Variants in ARSG observed in about 807,000 individuals in gnomAD.
ARSG encodes the protein ASG.
In ARSG, 37 loss-of-function variants were observed where a neutral mutation model predicts 50.5. The ratio of observed to expected loss-of-function variants is 0.73; its 90% CI spans 0.56 to 0.96. ARSG has a LOEUF of 0.96. ARSG is among the 50% of genes least tolerant of loss of function. ARSG has a pLI of 0.00. For synonymous variants in ARSG, 225 were observed against 254.6 expected (o/e 0.88, Z 1.11); for missense variants, 629 against 675.3 (o/e 0.93, Z 0.76).
chr17:68,434,077 T>C, the ARSG span, among the ~76,000 whole-genome samples: 11 of 152,120 alleles, frequency 7.2e-5, no homozygotes, highest in Non-Finnish European at 1.0e-4. Context: ...GCCCATAGTC[T>C]TATTTATGTG....
At chr17:68,436,499 A>G in the ARSG span, 6 of 1,609,148 alleles carry the variant, frequency 3.7e-6, no homozygotes, top group Middle Eastern at 1.6e-4. Flanking sequence ...AAGAAACAGA[A>G]CATGAGAAGC....
the ARSG span, chr17:68,428,906 C>T: frequency 2.6e-5 from 42 of 1,614,060 alleles, no homozygotes; most frequent in Middle Eastern, 1.7e-4. Flanking sequence ...CACTGGATGA[C>T]GCAACTAGCA....
In ARSG at chr17:68,370,603, G is replaced by A. The variant is rs113936368; in HGVS notation, c.982+79G>A. Reference sequence around the variant, plus strand: ...GGGGTGTGGGATTCTGCCTCCGGGTGGGGGACAACTTATATCTGGGCCTTA... The same window carrying A: ...GGGGTGTGGGATTCTGCCTCCGGGTAGGGGACAACTTATATCTGGGCCTTA... On this transcript the variant is annotated intron_variant, in intron 8 of 11. Transcript: ENST00000621439. 8.7e-5 allele frequency: 116 copies of A among 1,327,300 alleles called. 1 individual carries two copies. In the African/African-American group the frequency reaches 1.2e-3, roughly 14 times the overall value. 82.2% of individuals were successfully genotyped at this position (1,327,300 alleles called of 1,614,324 possible).
At chr17:68,368,269 G>T (rs911879972) in intron 6 of ARSG, among the ~76,000 whole-genome samples, 3 of 152,162 alleles carry the variant, frequency 2.0e-5, no homozygotes, top group Admixed American at 6.5e-5. Context: ...TCTGAAAAAC[G>T]GGGCTATGAT....
intron 2 of ARSG, among the ~76,000 whole-genome samples, chr17:68,337,165 G>A (rs2078059218): frequency 6.6e-6 from 1 of 152,176 alleles, no homozygotes; most frequent in Non-Finnish European, 1.5e-5. Context: ...TGGCAGATGG[G>A]AGCAATTTTG....
chr17:68,399,333 C>T lies in ARSG; in HGVS notation c.1213-2027C>T, dbSNP rs1192044390. 6.6e-6 allele frequency among the ~76,000 whole-genome samples: 1 copy of T among 152,158 alleles called. No homozygotes were observed. Among genetic ancestry groups the T allele is most frequent in the Non-Finnish European group, 1.5e-5 (1 of 68,028 alleles). On this transcript the variant is annotated intron_variant, in intron 10 of 11. Coordinates refer to ENST00000621439, the MANE Select transcript of ARSG (RefSeq NM_001267727.2). This position sits in a 1 kb window ranked among gnomAD's most constrained non-coding sequence, Gnocchi z 4.6. ...TCCCCACCTGAATGGAGAAGAAGCC[C>T]ACCTTCAGGGGATGCTATATCAGCA...
chr17:68,360,897 G>T (rs190151758), intron 6 of ARSG, among the ~76,000 whole-genome samples: 8 of 152,130 alleles, frequency 5.3e-5, no homozygotes, highest in Admixed American at 3.9e-4. Context: ...CAATCTTGGC[G>T]CACTGCAACC....
chr17:68,436,993 CAAA>C, the ARSG span, among the ~76,000 whole-genome samples: 4 of 124,670 alleles, frequency 3.2e-5, no homozygotes, highest in African/African-American at 2.8e-5. Flanking sequence ...GACCCCGTCT[CAAA>C]AAAAAAAAAA....
chr17:68,333,552 C>T (rs1250734331), intron 2 of ARSG, among the ~76,000 whole-genome samples: 3 of 151,004 alleles, frequency 2.0e-5, no homozygotes, highest in African/African-American at 7.3e-5. Context: ...CGCTTGAACT[C>T]GGGAGGTGGA....
chr17:68,339,789 A>G lies in ARSG; in HGVS notation c.219-3815A>G, dbSNP rs191038934. On this transcript the variant is annotated intron_variant, in intron 2 of 11. Coordinates refer to ENST00000621439, the MANE Select transcript of ARSG (RefSeq NM_001267727.2). The stretch of plus-strand genomic sequence containing the variant: ...TATAAACTTCATCTTGCATCCCATC[A>G]GGAGATGTACGAGGTCAGGGTACCC... Among the ~76,000 whole-genome samples the G allele has an allele frequency of 2.5e-3, 387 of 152,332 alleles. 2 individuals carry two copies. Among genetic ancestry groups the G allele is most frequent in the African/African-American group, 8.6e-3 (357 of 41,570 alleles).
chr17:68,370,529 G>C lies in ARSG; in HGVS notation c.982+5G>C. 1 of 1,613,636 alleles carries C rather than the reference G, an allele frequency of 6.2e-7. No homozygotes were observed. Among genetic ancestry groups the C allele is most frequent in the Non-Finnish European group, 8.5e-7 (1 of 1,179,764 alleles). The stretch of plus-strand genomic sequence containing the variant: ...GATTTTGGCAAACTCGTCAAGGTAA[G>C]GGGCTCAGCTGGGGTTGGTGGATCC... On this transcript the variant is annotated splice_donor_5th_base_variant and intron_variant, in intron 8 of 11. Transcript: ENST00000621439.
chr17:68,377,827 A>G (rs558925456), intron 8 of ARSG, among the ~76,000 whole-genome samples: 1 of 152,336 alleles, frequency 6.6e-6, no homozygotes, highest in Admixed American at 6.5e-5. Flanking sequence ...TCAAGATAAC[A>G]TTCTTTTTTG....
intron 1 of ARSG, chr17:68,272,531 C>T: frequency 7.8e-7 from 1 of 1,285,020 alleles, no homozygotes; most frequent in Non-Finnish European, 1.1e-6. Flanking sequence ...CGTCTCATTA[C>T]ACATACACTG....
At chr17:68,444,627 C>T in the ARSG span, 1 of 1,561,824 alleles carries the variant, frequency 6.4e-7, no homozygotes, top group Non-Finnish European at 8.8e-7. Context: ...CCGAACCGTT[C>T]CTTACAAAGA....
At chr17:68,283,428 G>C (rs1319667704) in intron 1 of ARSG, among the ~76,000 whole-genome samples, 1 of 152,000 alleles carries the variant, frequency 6.6e-6, no homozygotes, top group Non-Finnish European at 1.5e-5. Context: ...GGCTGAGGCA[G>C]GAGAATGGCG....
intron 6 of ARSG, among the ~76,000 whole-genome samples, chr17:68,358,342 C>T (rs1236425059): frequency 6.6e-6 from 1 of 151,996 alleles, no homozygotes; most frequent in Non-Finnish European, 1.5e-5. Flanking sequence ...CGCTCGAGGC[C>T]AGGAATTCCA....
chr17:68,306,249 G>T (rs990835445), intron 1 of ARSG, among the ~76,000 whole-genome samples: 2 of 151,984 alleles, frequency 1.3e-5, no homozygotes, highest in Non-Finnish European at 2.9e-5. Flanking sequence ...TGATCCGCCC[G>T]CCTTGACCTC....
chr17:68,355,099 C>T (rs2078973183), intron 5 of ARSG, among the ~76,000 whole-genome samples: 1 of 152,098 alleles, frequency 6.6e-6, no homozygotes, highest in African/African-American at 2.4e-5. Context: ...CTTTGGTGAC[C>T]AGGACTGAGA....
At chr17:68,417,733 ATTTTTTTTTTTTTTTTTTTTT>A (rs770292731) in intron 11 of ARSG, among the ~76,000 whole-genome samples, 4 of 60,788 alleles carry the variant, frequency 6.6e-5, no homozygotes, top group African/African-American at 2.5e-4. Flanking sequence ...GAGTTGCTGA[ATTTTTTTTTTTTTTTTTTTTT>A]TTTTTTTTTT....
Sources: allele counts gnomAD v4.1 joint callset (sites outside exome capture counted in the v4.1 genomes callset), GRCh38; gene constraint gnomAD v4.1.1; non-coding constraint Gnocchi (gnomAD v3.1); transcripts MANE v1.5; gene names NCBI Gene and HGNC (gene_info 2026-07-23, HGNC 2026-07-21).